The following HPSE2 variants were observed in gnomAD, a reference collection of about 807,000 sequenced individuals.
The protein encoded by HPSE2 is heparanase 2 (inactive).
A neutral mutation model predicts 60.5 loss-of-function variants in HPSE2; 38 were observed. The ratio of observed to expected loss-of-function variants is 0.63; its 90% CI spans 0.48 to 0.82. HPSE2 has a LOEUF of 0.82. Ranked by LOEUF, HPSE2 falls within the 40% of genes least tolerant of loss-of-function variation. The probability of loss-of-function intolerance (pLI) is 0.00; values close to 1 mark genes in which losing one functional copy is unlikely to be tolerated. For missense variants in HPSE2, 713 were observed against 740.4 expected (o/e 0.96, Z 0.43); for synonymous variants, 295 against 293.2 (o/e 1.01, Z -0.06).
At chr10:98,745,110 G>T (rs1949597271) in intron 3 of HPSE2, among the ~76,000 whole-genome samples, 2 of 152,184 alleles carry the variant, frequency 1.3e-5, no homozygotes, top group African/African-American at 4.8e-5. Flanking sequence ...GCTGAGGCAG[G>T]AGAATGGCGT....
intron 3 of HPSE2, among the ~76,000 whole-genome samples, chr10:98,912,773 G>C (rs955262196): frequency 2.6e-5 from 4 of 152,174 alleles, no homozygotes; most frequent in Admixed American, 1.3e-4. Context: ...ATGATTACCA[G>C]AGGCTAGGAA....
At chr10:99,027,679 C>CACCACCACCACT (rs1957409500) in intron 3 of HPSE2, among the ~76,000 whole-genome samples, 2 of 1,208 alleles carry the variant, frequency 1.7e-3, no homozygotes, top group South Asian at 0.05. Flanking sequence ...CCACCACTAC[C>CACCACCACCACT]ACCACCACCA....
intron 2 of HPSE2, among the ~76,000 whole-genome samples, chr10:99,217,530 T>C (rs2133922292): frequency 6.6e-6 from 1 of 152,118 alleles, no homozygotes; most frequent in South Asian, 2.1e-4. Flanking sequence ...TAAATCAAAA[T>C]GCCTATGCTC....
intron 5 of HPSE2, 119 bp downstream of exon 5, chr10:98,721,538 C>G: frequency 1.0e-6 from 1 of 971,682 alleles, no homozygotes; most frequent in Non-Finnish European, 1.5e-6. Flanking sequence ...GGAAAGAGTC[C>G]CTCCTTTTTT....
chr10:99,085,144 C>A (rs115169796), intron 3 of HPSE2, among the ~76,000 whole-genome samples: 2 of 152,196 alleles, frequency 1.3e-5, no homozygotes, highest in Non-Finnish European at 2.9e-5. Flanking sequence ...TGTGCTTTGG[C>A]ACTGCCCAGC....
chr10:98,818,574 C>T (rs529093394), intron 3 of HPSE2, among the ~76,000 whole-genome samples: 20 of 152,270 alleles, frequency 1.3e-4, no homozygotes, highest in African/African-American at 4.6e-4. Flanking sequence ...GATCCCTGCT[C>T]TAACAGGCCT....
rs1264341964 is a variant in HPSE2 at position 99,184,835 on chromosome 10, G to C, written c.449-40436C>G. ...ATATATATATAGAGAGAGAGAGAGAGAGAGAGAGAGAGAGAGAGAGAGAGA... is the reference window on the plus strand; with the variant it reads ...ATATATATATAGAGAGAGAGAGAGACAGAGAGAGAGAGAGAGAGAGAGAGA... On this transcript the variant is annotated intron_variant, in intron 2 of 11. Coordinates refer to ENST00000370552, the MANE Select transcript of HPSE2 (RefSeq NM_021828.5). 3.4e-3 allele frequency among the ~76,000 whole-genome samples: 177 copies of C among 51,664 alleles called. 9 individuals carry two copies. Among genetic ancestry groups the C allele is most frequent in the Non-Finnish European group, 0.01 (161 of 15,698 alleles). The allele number at this position is 51,664 out of a possible 152,430, so 33.9% of individuals were successfully genotyped here.
At chr10:98,619,879 T>C (rs1185697376) in intron 8 of HPSE2, among the ~76,000 whole-genome samples, 1 of 152,216 alleles carries the variant, frequency 6.6e-6, no homozygotes, top group Non-Finnish European at 1.5e-5. Flanking sequence ...ACAGACCATG[T>C]GAGGAAGAAA....
At chr10:99,312,496 G>A in the HPSE2 span, among the ~76,000 whole-genome samples, 1 of 152,150 alleles carries the variant, frequency 6.6e-6, no homozygotes, top group African/African-American at 2.4e-5. Context: ...CACAAAGCCT[G>A]GATGACAACA....
At chr10:98,926,971 G>A (rs1411480322) in intron 3 of HPSE2, among the ~76,000 whole-genome samples, 1 of 152,134 alleles carries the variant, frequency 6.6e-6, no homozygotes, top group Non-Finnish European at 1.5e-5. Flanking sequence ...TGGGGTCTGA[G>A]AGACAGTTTG....
chr10:98,774,290 T>C (rs1950297541), intron 3 of HPSE2, among the ~76,000 whole-genome samples: 1 of 152,050 alleles, frequency 6.6e-6, no homozygotes, highest in Non-Finnish European at 1.5e-5. Context: ...AAGACTAATA[T>C]ATTCAAGAGA....
intron 3 of HPSE2, among the ~76,000 whole-genome samples, chr10:99,007,873 C>G (rs1226813507): frequency 1.3e-5 from 2 of 152,158 alleles, no homozygotes; most frequent in African/African-American, 4.8e-5. Context: ...AGCAGTGGAC[C>G]TAAAGCGGAG....
Position 98,891,081 on chromosome 10 carries a change from C to A in HPSE2, c.611-147025G>T, listed in dbSNP as rs374865227. On this transcript the variant is annotated intron_variant, in intron 3 of 11. Coordinates refer to ENST00000370552, the MANE Select transcript of HPSE2 (RefSeq NM_021828.5). ...CCTGTTTTATAAAACCTGCTCCCTT[C>A]AAAATTTTCAGACATAGCTTCTATT... 3.7e-3 allele frequency among the ~76,000 whole-genome samples: 562 copies of A among 152,222 alleles called. 2 individuals are homozygous for A. The highest frequency in any genetic ancestry group is 0.013 in the African/African-American group (535 of 41,532).
chr10:98,550,037 CA>C (rs1356852797), intron 9 of HPSE2, among the ~76,000 whole-genome samples: 14 of 152,218 alleles, frequency 9.2e-5, no homozygotes. Context: ...CTTAAAAACT[CA>C]GCTTATTCAA....
intron 2 of HPSE2, among the ~76,000 whole-genome samples, chr10:99,163,569 A>G (rs1180133853): frequency 6.6e-6 from 1 of 152,202 alleles, no homozygotes; most frequent in African/African-American, 2.4e-5. Context: ...ATTTTATACA[A>G]CCAAGGGAAA....
chr10:98,497,596 A>G (rs1019470393), intron 9 of HPSE2, among the ~76,000 whole-genome samples: 1 of 152,210 alleles, frequency 6.6e-6, no homozygotes, highest in Admixed American at 6.5e-5. Context: ...ATTTAGGCAT[A>G]TTTATTTAAA....
chr10:99,203,986 T>C (rs1042493165), intron 2 of HPSE2, among the ~76,000 whole-genome samples: 6 of 152,040 alleles, frequency 3.9e-5, no homozygotes, highest in East Asian at 2.0e-4. Flanking sequence ...CCAGCACTTA[T>C]AGACACAGAC....
chr10:98,902,246 GAA>G (rs1953687563), intron 3 of HPSE2, among the ~76,000 whole-genome samples: 1 of 152,166 alleles, frequency 6.6e-6, no homozygotes, highest in Non-Finnish European at 1.5e-5. Flanking sequence ...GGAGGTATAT[GAA>G]TAAAGGTGCA....
chr10:98,943,221 T>G (rs1955071310), intron 3 of HPSE2, among the ~76,000 whole-genome samples: 1 of 151,048 alleles, frequency 6.6e-6, no homozygotes, highest in Admixed American at 6.6e-5. Context: ...CCCTAAAACT[T>G]AAAGTATAAT....
Sources: gnomAD v4.1 joint callset for allele counts (sites outside exome capture counted in the v4.1 genomes callset) on GRCh38, gnomAD v4.1.1 for gene constraint, MANE v1.5 for transcripts, NCBI Gene and HGNC (gene_info 2026-07-23, HGNC 2026-07-21) for gene names.